Variants in WWOX observed in about 807,000 individuals in gnomAD.
WWOX encodes WW domain-containing oxidoreductase.
Under a neutral mutation model 46.2 loss-of-function variants are expected in WWOX, and 69 were observed. The ratio of observed to expected loss-of-function variants is 1.49; its 90% confidence interval spans 1.23 to 1.82. The LOEUF is 1.82. Ranked by LOEUF, WWOX falls within the 40% of genes most tolerant of loss-of-function variation. The pLI, the probability that WWOX is intolerant of heterozygous loss-of-function variation, is 0.00. For missense variants in WWOX, 919 were observed against 542.6 expected, an observed-to-expected ratio of 1.69 and a Z score of -6.89; for synonymous variants, 359 against 202.6, an observed-to-expected ratio of 1.77 and a Z score of -6.56.
intron 8 of WWOX, among the ~76,000 whole-genome samples, chr16:78,705,025 A>G (rs891617005): frequency 4.6e-5 from 7 of 151,740 alleles, no homozygotes; most frequent in Non-Finnish European, 1.5e-5. Flanking sequence ...CATTGCTTCT[A>G]AGGTAAGGGC....
intron 8 of WWOX, among the ~76,000 whole-genome samples, chr16:79,194,216 A>G (rs529960664): frequency 6.6e-6 from 1 of 152,346 alleles, no homozygotes; most frequent in African/African-American, 2.4e-5. Context: ...CGATTTGGAA[A>G]GGAAATAATT....
chr16:78,975,225 C>T (rs945019050), intron 8 of WWOX, among the ~76,000 whole-genome samples: 1 of 152,188 alleles, frequency 6.6e-6, no homozygotes, highest in African/African-American at 2.4e-5. Context: ...TTCAAGGGTT[C>T]TCAGATGGGA....
chr16:78,740,935 C>T (rs1002670216), intron 8 of WWOX, among the ~76,000 whole-genome samples: 1 of 152,134 alleles, frequency 6.6e-6, no homozygotes, highest in Non-Finnish European at 1.5e-5. Flanking sequence ...TTTATTTTTT[C>T]ACTATGTCAC....
rs150940667 is a variant in WWOX, at chr16:78,854,424, A to T, written c.1057-357184A>T. Among the ~76,000 whole-genome samples, 40 of 152,356 alleles carry T rather than the reference A, an allele frequency of 2.6e-4. No individual in the cohort carries two copies. In the East Asian group the frequency reaches 7.5e-3, roughly 29 times the overall value. On this transcript the variant is annotated intron_variant, in intron 8 of 8. Transcript: ENST00000566780. ...TCTAATTTGGCAGTGAGTTCAGGAG[A>T]TGAAGACTGTCCTTTAGTTAACATC... is the stretch of plus-strand genomic sequence containing the variant.
At chr16:78,389,723 C>A (rs572010463) in intron 6 of WWOX, among the ~76,000 whole-genome samples, 1 of 151,970 alleles carries the variant, frequency 6.6e-6, no homozygotes. Context: ...ACTTGACCAC[C>A]GTACTATACT....
chr16:78,897,819 C>G (rs892829794), intron 8 of WWOX: 2 of 152,142 alleles, frequency 1.3e-5, no homozygotes, highest in South Asian at 2.1e-4. Flanking sequence ...TGCTTCACAT[C>G]CTCATCAGCA....
At chr16:78,554,788 A>G (rs750296696) in intron 8 of WWOX, among the ~76,000 whole-genome samples, 1 of 152,126 alleles carries the variant, frequency 6.6e-6, no homozygotes, top group Non-Finnish European at 1.5e-5. Context: ...GGCTGCACCT[A>G]TCTGTCAGAA....
intron 8 of WWOX, among the ~76,000 whole-genome samples, chr16:78,959,513 A>G (rs991625208): frequency 2.6e-5 from 4 of 152,176 alleles, no homozygotes; most frequent in South Asian, 2.1e-4. Context: ...CTATTCACTC[A>G]TGCATTCATC....
At chr16:78,642,058 C>G (rs547178122) in intron 8 of WWOX, among the ~76,000 whole-genome samples, 1 of 152,160 alleles carries the variant, frequency 6.6e-6, no homozygotes, top group Non-Finnish European at 1.5e-5. Context: ...CTTAAATACT[C>G]CAGTACATTG....
chr16:78,555,116 C>T (rs1344502430), intron 8 of WWOX, among the ~76,000 whole-genome samples: 1 of 146,182 alleles, frequency 6.8e-6, no homozygotes, highest in Non-Finnish European at 1.5e-5. Flanking sequence ...GTCTCTATCT[C>T]TCTTTCTCTC....
At chr16:78,439,610 A>C (rs6564561) in intron 8 of WWOX, among the ~76,000 whole-genome samples, 1 of 151,894 alleles carries the variant, frequency 6.6e-6, no homozygotes, top group South Asian at 2.1e-4. Flanking sequence ...TGCAGCCTCT[A>C]CTCCCTTTTA....
chr16:78,835,931 C>G (rs1024065139), intron 8 of WWOX, among the ~76,000 whole-genome samples: 84 of 152,282 alleles, frequency 5.5e-4, no homozygotes, highest in African/African-American at 2.0e-3. Context: ...ATATTTGAGA[C>G]TAACAACAAG....
chr16:78,860,967 C>T (rs369415407), intron 8 of WWOX, among the ~76,000 whole-genome samples: 12 of 152,144 alleles, frequency 7.9e-5, no homozygotes, highest in South Asian at 2.1e-4. Flanking sequence ...AGGCGCATGC[C>T]GTAACTCGCA....
intron 8 of WWOX, among the ~76,000 whole-genome samples, chr16:78,800,197 T>C (rs1316539319): frequency 6.6e-6 from 1 of 152,006 alleles, no homozygotes; most frequent in Non-Finnish European, 1.5e-5. Flanking sequence ...AGAAAAAATA[T>C]GGCGGTAGAT....
At chr16:78,727,846 T>C (rs963130729) in intron 8 of WWOX, among the ~76,000 whole-genome samples, 1 of 152,034 alleles carries the variant, frequency 6.6e-6, no homozygotes, top group African/African-American at 2.4e-5. Flanking sequence ...TCAGTGCTTC[T>C]TGGATATTTT....
chr16:78,442,975 T>G (rs1479475000), intron 8 of WWOX, among the ~76,000 whole-genome samples: 1 of 151,536 alleles, frequency 6.6e-6, no homozygotes, highest in African/African-American at 2.4e-5. Flanking sequence ...ACAAAAAAAT[T>G]AGCCAGGCGT....
chr16:78,688,972 T>A (rs1036839805), intron 8 of WWOX, among the ~76,000 whole-genome samples: 38 of 152,200 alleles, frequency 2.5e-4, no homozygotes, highest in African/African-American at 8.9e-4. Context: ...AAGACATGTT[T>A]GCTTTCCCTT....
chr16:78,824,108 T>G (rs1347479054), intron 8 of WWOX, among the ~76,000 whole-genome samples: 1 of 152,210 alleles, frequency 6.6e-6, no homozygotes, highest in African/African-American at 2.4e-5. Flanking sequence ...TACTTTTTAT[T>G]GATTGAAACC....
At chr16:78,127,175 GC>G (rs1475039979) in intron 4 of WWOX, among the ~76,000 whole-genome samples, 2 of 152,120 alleles carry the variant, frequency 1.3e-5, no homozygotes, top group Admixed American at 6.5e-5. Flanking sequence ...CCACCTCTGT[GC>G]AATATGGACA....
Sources: gnomAD v4.1 joint callset for allele counts (sites outside exome capture counted in the v4.1 genomes callset) on GRCh38, gnomAD v4.1.1 for gene constraint, MANE v1.5 for transcripts, NCBI Gene and HGNC (gene_info 2026-07-23, HGNC 2026-07-21) for gene names.